The following PSD3 variants were observed in gnomAD, a reference collection of about 807,000 sequenced individuals.
PSD3 encodes pleckstrin and Sec7 domain containing 3, also known as PH and SEC7 domain-containing protein 3.
A neutral mutation model predicts 105.5 loss-of-function variants in PSD3; 49 were observed. The ratio of observed to expected loss-of-function variants is 0.46; its 90% CI spans 0.37 to 0.59. The LOEUF is 0.59. PSD3 is among the 20% of genes least tolerant of loss of function. The pLI is 0.00. For missense variants in PSD3, 1,561 were observed against 1,263.8 expected (o/e 1.24, Z -3.57); for synonymous variants, 557 against 457.8 (o/e 1.22, Z -2.77).
chr8:18,724,909 A>G (rs1244605724), intron 9 of PSD3, among the ~76,000 whole-genome samples: 2 of 152,184 alleles, frequency 1.3e-5, no homozygotes, highest in East Asian at 3.9e-4. Flanking sequence ...GAACAATGGG[A>G]GATGTGGAAT....
chr8:18,682,671 A>G (rs1015722604), intron 9 of PSD3, among the ~76,000 whole-genome samples: 1 of 152,188 alleles, frequency 6.6e-6, no homozygotes, highest in African/African-American at 2.4e-5. Context: ...GGAAGCCAAC[A>G]TATTTCTTAA....
chr8:18,599,848 C>T (rs183056816), intron 12 of PSD3, among the ~76,000 whole-genome samples: 12 of 152,130 alleles, frequency 7.9e-5, no homozygotes, highest in South Asian at 2.1e-4. Flanking sequence ...GGAGGGATGA[C>T]GGTATACTAT....
intron 10 of PSD3, among the ~76,000 whole-genome samples, chr8:18,633,248 C>T (rs547486837): frequency 1.3e-5 from 2 of 152,104 alleles, no homozygotes; most frequent in Admixed American, 6.6e-5. Flanking sequence ...ACTAGGTGTA[C>T]AGAAAACAGC....
intron 9 of PSD3, among the ~76,000 whole-genome samples, chr8:18,761,189 T>C (rs17467721): frequency 0.026 from 3,941 of 152,052 alleles, 81 homozygotes; most frequent in Non-Finnish European, 0.038. Flanking sequence ...GGTAAAAAGG[T>C]AAGGGTTAAG....
chr8:18,620,821 A>T (rs1053684962), intron 11 of PSD3, among the ~76,000 whole-genome samples: 1 of 152,358 alleles, frequency 6.6e-6, no homozygotes, highest in South Asian at 2.1e-4. Context: ...CCTTTAGGAA[A>T]CTAGTACGGT....
chr8:18,828,036 AAT>A (rs1175323554), intron 4 of PSD3, among the ~76,000 whole-genome samples: 197 of 134,864 alleles, frequency 1.5e-3, no homozygotes, highest in African/African-American at 4.7e-3. Context: ...ACATATATAT[AAT>A]ATATATATGT....
At chr8:18,714,706 G>A (rs1235862529) in intron 9 of PSD3, among the ~76,000 whole-genome samples, 1 of 152,198 alleles carries the variant, frequency 6.6e-6, no homozygotes, top group Non-Finnish European at 1.5e-5. Flanking sequence ...TTCAACCATT[G>A]TAGAAGACAG....
At chr8:18,808,289 C>G (rs953651851) in intron 4 of PSD3, among the ~76,000 whole-genome samples, 11 of 152,190 alleles carry the variant, frequency 7.2e-5, no homozygotes, top group African/African-American at 2.7e-4. Context: ...AACCACTACT[C>G]ACTGCTCATT....
At chr8:18,778,882 A>G (rs1808343621) in intron 8 of PSD3, among the ~76,000 whole-genome samples, 1 of 152,046 alleles carries the variant, frequency 6.6e-6, no homozygotes, top group Non-Finnish European at 1.5e-5. Flanking sequence ...GGAATTTTGC[A>G]TCTAAGTTCG....
At chr8:18,797,323 C>T (rs984713813) in intron 8 of PSD3, among the ~76,000 whole-genome samples, 22 of 152,160 alleles carry the variant, frequency 1.4e-4, no homozygotes, top group African/African-American at 4.1e-4. Flanking sequence ...TCTCCCTCTT[C>T]TATCAGTAAT....
intron 9 of PSD3, among the ~76,000 whole-genome samples, chr8:18,731,090 TA>T: frequency 1.4e-5 from 1 of 70,074 alleles, no homozygotes; most frequent in Non-Finnish European, 3.2e-5. Context: ...ACCCTGTCTC[TA>T]ATAAAAATAC....
At chr8:18,562,100 A>G (rs1217659150) in intron 14 of PSD3, among the ~76,000 whole-genome samples, 1 of 152,166 alleles carries the variant, frequency 6.6e-6, no homozygotes, top group Admixed American at 6.5e-5. Context: ...GAATCGGGAA[A>G]CAGAGAACAC....
rs1801617763 is a variant in PSD3 at position 18,702,114 on chromosome 8, G to GCTGCCATGTATTTACAC, written c.2173-46446_2173-46430dup. Among the ~76,000 whole-genome samples, 2 of 152,208 alleles carry GCTGCCATGTATTTACAC rather than the reference G, an allele frequency of 1.3e-5. 1 individual carries two copies. The highest frequency in any genetic ancestry group is 4.1e-4 in the South Asian group (2 of 4,828). ...TCAGATACTCCGACTGATATTTACA[G>GCTGCCATGTATTTACAC]CTGCCATGTATTTACACCAATAACT... On this transcript the variant is annotated intron_variant, in intron 9 of 15. Transcript: ENST00000327040.
chr8:18,698,321 G>A (rs528651227), intron 9 of PSD3, among the ~76,000 whole-genome samples: 96 of 152,020 alleles, frequency 6.3e-4, no homozygotes, highest in Middle Eastern at 3.4e-3. Context: ...GTCTCATTAC[G>A]TTGCCCAGGT....
intron 10 of PSD3, among the ~76,000 whole-genome samples, 170 bp from the exon 11 acceptor site, chr8:18,632,976 G>A (rs1228577290): frequency 6.6e-6 from 1 of 152,026 alleles, no homozygotes; most frequent in Non-Finnish European, 1.5e-5. Flanking sequence ...TGTGCCAGGT[G>A]TTAATGATCA....
At chr8:18,781,650 T>G (rs1021041203) in intron 8 of PSD3, among the ~76,000 whole-genome samples, 1 of 152,284 alleles carries the variant, frequency 6.6e-6, no homozygotes, top group African/African-American at 2.4e-5. Flanking sequence ...TCTTGGACTT[T>G]TAACAGTTCG....
rs1338174806 is a variant in PSD3 at position 18,712,212 on chromosome 8, G to GAACT, written c.2172+53233_2172+53236dup. 6.0e-5 allele frequency among the ~76,000 whole-genome samples: 9 copies of GAACT among 151,230 alleles called. No individual in the cohort carries two copies. In the South Asian group the frequency reaches 1.7e-3, roughly 28 times the overall value. On this transcript the variant is annotated intron_variant, in intron 9 of 15. Coordinates refer to ENST00000327040, the MANE Select transcript of PSD3 (RefSeq NM_015310.4). ...CAACAACCTAACATCACAACTAAAA[G>GAACT]AACTAGAGAACCAAGAGCAAACAAA...
intron 4 of PSD3, among the ~76,000 whole-genome samples, chr8:18,806,434 G>C (rs1021135811): frequency 2.0e-5 from 3 of 152,170 alleles, no homozygotes; most frequent in Non-Finnish European, 4.4e-5. Context: ...GGGTTCTCTT[G>C]TATTTATAAC....
intron 14 of PSD3, among the ~76,000 whole-genome samples, chr8:18,559,406 T>A (rs1220516658): frequency 1.3e-5 from 2 of 152,210 alleles, no homozygotes; most frequent in Non-Finnish European, 2.9e-5. Context: ...CTGGGTTTCC[T>A]CTTCTGTGGA....
Sources: gnomAD v4.1 joint callset for allele counts (sites outside exome capture counted in the v4.1 genomes callset) on GRCh38, gnomAD v4.1.1 for gene constraint, MANE v1.5 for transcripts, NCBI Gene and HGNC (gene_info 2026-07-23, HGNC 2026-07-21) for gene names.